Variants in GOLGA1 observed in about 807,000 individuals in gnomAD.
The protein encoded by GOLGA1 is golgin subfamily A member 1.
GOLGA1 carries 63 observed loss-of-function variants against 119.7 expected under a neutral mutation model. The ratio of observed to expected loss-of-function variants is 0.53; its 90% CI spans 0.43 to 0.65. The LOEUF is 0.65. GOLGA1 is among the 30% of genes least tolerant of loss of function. The probability of loss-of-function intolerance (pLI) is 0.00; values close to 1 mark genes in which losing one functional copy is unlikely to be tolerated. For synonymous variants in GOLGA1, 318 were observed against 333.4 expected, an observed-to-expected ratio of 0.95 and a Z score of 0.50; for missense variants, 798 against 912.8, an observed-to-expected ratio of 0.87 and a Z score of 1.62.
At position 124,881,170 on chromosome 9, in the gene GOLGA1, C is replaced by A; in HGVS notation, c.2223+1G>T. ...TGGAACAGTAGACCAGAGAACCCTA[C>A]CTTATATTCCAGAGTTTCCTTGAGC... On this transcript the variant is annotated splice_donor_variant, in intron 22 of 22. Coordinates refer to ENST00000373555, the MANE Select transcript of GOLGA1 (RefSeq NM_002077.4). LOFTEE classifies it high-confidence loss of function. The surrounding 1 kb of genome is among the most constrained non-coding windows in gnomAD (Gnocchi z 4.9). 6.8e-7 allele frequency: 1 copy of A among 1,470,506 alleles called. No homozygotes were observed. The highest frequency in any genetic ancestry group is 9.5e-7 in the Non-Finnish European group (1 of 1,048,114). 91.1% of individuals were successfully genotyped at this position (1,470,506 alleles called of 1,614,324 possible).
At chr9:124,922,689 C>T (rs1830594913) in intron 8 of GOLGA1, among the ~76,000 whole-genome samples, 1 of 151,204 alleles carries the variant, frequency 6.6e-6, no homozygotes, top group Non-Finnish European at 1.5e-5. Flanking sequence ...AGCTTGAGCC[C>T]ACGAATTTGA....
chr9:124,880,755 G>T, intron 22 of GOLGA1, 145 bp from the exon 23 acceptor site: 1 of 629,720 alleles, frequency 1.6e-6, no homozygotes. Flanking sequence ...AGAAGATGGT[G>T]CCAGTAACCA....
chr9:124,920,247 A>T (rs1352512488), intron 10 of GOLGA1, among the ~76,000 whole-genome samples: 1 of 151,566 alleles, frequency 6.6e-6, no homozygotes, highest in Admixed American at 6.6e-5. Context: ...AGCCTCCCAA[A>T]CAGCTGGAAC....
intron 15 of GOLGA1, among the ~76,000 whole-genome samples, chr9:124,895,724 G>A (rs1829968010): frequency 6.9e-6 from 1 of 144,972 alleles, no homozygotes; most frequent in African/African-American, 2.6e-5. Context: ...CCACAACACA[G>A]AACCATCCAC....
intron 13 of GOLGA1, among the ~76,000 whole-genome samples, chr9:124,899,902 T>C (rs1830064504): frequency 1.3e-5 from 2 of 152,272 alleles, no homozygotes; most frequent in Admixed American, 1.3e-4. Flanking sequence ...TGTGGGCTAC[T>C]GAGCCAATCT....
chr9:124,930,477 T>G (rs1477326877), intron 4 of GOLGA1, among the ~76,000 whole-genome samples: 2 of 152,228 alleles, frequency 1.3e-5, no homozygotes, highest in African/African-American at 4.8e-5. Flanking sequence ...AATTAACTGG[T>G]AGTTGTGAGC....
At chr9:124,886,394 G>T (rs539870690) in intron 19 of GOLGA1, among the ~76,000 whole-genome samples, 1 of 151,840 alleles carries the variant, frequency 6.6e-6, no homozygotes, top group Non-Finnish European at 1.5e-5. Flanking sequence ...AGAGACGCCT[G>T]TCCAAGGCTG....
chr9:124,878,710 G>C lies in GOLGA1; in HGVS notation c.*1820C>G, dbSNP rs1443958159. Reference sequence around the variant, plus strand: ...AAACTGCCGAGGAGTGGGGCCTGGGGTGCGTGTGGGACCAGTTCAATGGCT... The same window carrying C: ...AAACTGCCGAGGAGTGGGGCCTGGGCTGCGTGTGGGACCAGTTCAATGGCT... On this transcript the variant is annotated 3_prime_UTR_variant, in exon 23 of 23. Coordinates refer to ENST00000373555, the MANE Select transcript of GOLGA1 (RefSeq NM_002077.4). The C allele has an allele frequency of 6.6e-6, 1 of 152,310 alleles. No homozygotes were observed. The highest frequency in any genetic ancestry group is 1.5e-5 in the Non-Finnish European group (1 of 68,062). The allele number at this position is 152,310 out of a possible 1,614,324, so 9.4% of individuals were successfully genotyped here.
intron 19 of GOLGA1, among the ~76,000 whole-genome samples, chr9:124,884,781 AT>A (rs1444528702): frequency 6.6e-6 from 1 of 152,094 alleles, no homozygotes; most frequent in African/African-American, 2.4e-5. Context: ...ATCTTACGTT[AT>A]TTTGGTTTCC....
intron 3 of GOLGA1, among the ~76,000 whole-genome samples, chr9:124,937,885 C>A (rs1185715041): frequency 6.6e-6 from 1 of 151,830 alleles, no homozygotes; most frequent in East Asian, 1.9e-4. Flanking sequence ...GAGTTTGAGA[C>A]CACCCTGGGC....
intron 16 of GOLGA1, 144 bp downstream of exon 16, chr9:124,890,245 C>G: frequency 1.6e-6 from 1 of 632,458 alleles, no homozygotes; most frequent in South Asian, 1.9e-5. Context: ...CAGGGGCCCA[C>G]GCAGCTGACT....
At chr9:124,940,788 C>G (rs1830995813) in intron 1 of GOLGA1, among the ~76,000 whole-genome samples, 183 bp downstream of exon 1, 1 of 152,196 alleles carries the variant, frequency 6.6e-6, no homozygotes, top group African/African-American at 2.4e-5. Context: ...TCCCGGAACC[C>G]TAGGCTCCAG....
At position 124,882,863 on chromosome 9, in the gene GOLGA1, G is replaced by A. The variant is rs117370455; in HGVS notation, c.1906-294C>T. Among the ~76,000 whole-genome samples, 657 of 152,232 alleles carry A rather than the reference G, an allele frequency of 4.3e-3. 15 individuals are homozygous for A. The East Asian group carries it at 0.067, about 15-fold the overall frequency. On this transcript the variant is annotated intron_variant, in intron 19 of 22. Coordinates refer to ENST00000373555, the MANE Select transcript of GOLGA1 (RefSeq NM_002077.4). ...GCTGCCTATCCCTTCCCGGGGGCTT[G>A]GTCCACCACACACAGCCCAGCTGGA... is the stretch of plus-strand genomic sequence containing the variant.
At chr9:124,899,057 G>A (rs576718532) in intron 14 of GOLGA1, among the ~76,000 whole-genome samples, 1 of 152,288 alleles carries the variant, frequency 6.6e-6, no homozygotes, top group East Asian at 1.9e-4. Flanking sequence ...TTAGCTGGCT[G>A]TGGTGGTGCA....
chr9:124,895,910 C>T (rs1255782285), intron 15 of GOLGA1, among the ~76,000 whole-genome samples: 1 of 145,858 alleles, frequency 6.9e-6, no homozygotes, highest in Non-Finnish European at 1.5e-5. Flanking sequence ...CAACAGAGAA[C>T]CATCCACAAC....
chr9:124,910,939 C>T (rs1034851158), intron 11 of GOLGA1, among the ~76,000 whole-genome samples: 2 of 152,290 alleles, frequency 1.3e-5, no homozygotes, highest in Admixed American at 1.3e-4. Flanking sequence ...CGAAACCAGT[C>T]CCTGGTGCCA....
Position 124,900,558 on chromosome 9 carries a change from A to G in GOLGA1, c.1066-11T>C, listed in dbSNP as rs778074712. On this transcript the variant is annotated splice_polypyrimidine_tract_variant and intron_variant, in intron 12 of 22. Transcript: ENST00000373555. ...CTCCAGTTCTCTCACCTGAGAGGGA[A>G]GCAGAAGCATTCTTTCTGTTCACAA... The G allele has an allele frequency of 1.3e-5, 17 of 1,352,760 alleles. No homozygotes were observed. The highest frequency in any genetic ancestry group is 1.7e-5 in the Non-Finnish European group (16 of 947,672). The allele number at this position is 1,352,760 out of a possible 1,614,324, so 83.8% of individuals were successfully genotyped here.
At chr9:124,907,976 A>G (rs752314015) in intron 12 of GOLGA1, among the ~76,000 whole-genome samples, 4 of 152,244 alleles carry the variant, frequency 2.6e-5, no homozygotes, top group Non-Finnish European at 4.4e-5. Flanking sequence ...TACCACATAG[A>G]TAACTACAAA....
chr9:124,926,582 C>A, intron 7 of GOLGA1, 127 bp downstream of exon 7: 1 of 750,036 alleles, frequency 1.3e-6, no homozygotes, highest in Non-Finnish European at 2.4e-6. Flanking sequence ...AAGTCAGTAT[C>A]TAATCATAAA....
Sources: gnomAD v4.1 joint callset for allele counts (sites outside exome capture counted in the v4.1 genomes callset) on GRCh38, gnomAD v4.1.1 for gene constraint, Gnocchi (gnomAD v3.1) non-coding constraint, MANE v1.5 for transcripts, NCBI Gene and HGNC (gene_info 2026-07-23, HGNC 2026-07-21) for gene names.